The following TFR2 variants were observed in gnomAD, a reference collection of about 807,000 sequenced individuals.
TFR2 encodes transferrin receptor 2.
A neutral mutation model predicts 91.9 loss-of-function variants in TFR2; 64 were observed. The ratio of observed to expected loss-of-function variants is 0.70; its 90% CI spans 0.57 to 0.86. TFR2 has a LOEUF of 0.86. Ranked by LOEUF, TFR2 falls within the 40% of genes least tolerant of loss-of-function variation. The pLI is 0.00. For synonymous variants in TFR2, 454 were observed against 459.6 expected (o/e 0.99, Z 0.15); for missense variants, 950 against 1,080.5 (o/e 0.88, Z 1.69).
Position 100,631,800 on chromosome 7 carries a change from C to G in TFR2, c.1106+6G>C, listed in dbSNP as rs199499725. ...CTCCTCTTCTGGTCCCCAACACTCC[C>G]CTCACCTCAGCAGGCGGGAGGCAAT... On this transcript the variant is annotated splice_donor_region_variant and intron_variant, in intron 8 of 17. Transcript: ENST00000223051. The G allele has an allele frequency of 1.6e-5, 26 of 1,611,982 alleles. No individual in the cohort carries two copies. Among genetic ancestry groups the G allele is most frequent in the Non-Finnish European group, 2.2e-5 (26 of 1,178,792 alleles).
chr7:100,624,529 T>TAAACA (rs1803200751), intron 17 of TFR2, among the ~76,000 whole-genome samples: 1 of 89,268 alleles, frequency 1.1e-5, no homozygotes, highest in Non-Finnish European at 2.2e-5. Context: ...AAAGTAGCCA[T>TAAACA]AGAGAGCGTG....
intron 17 of TFR2, among the ~76,000 whole-genome samples, chr7:100,624,329 G>C (rs1803196123): frequency 6.6e-6 from 1 of 152,038 alleles, no homozygotes; most frequent in Non-Finnish European, 1.5e-5. Context: ...CCCGAATTCT[G>C]GTCTCTCCAC....
In TFR2 at chr7:100,621,062, A is replaced by G; in HGVS notation, c.2201T>C (p.Met734Thr). 1.3e-6 allele frequency: 2 copies of G among 1,566,230 alleles called. No individual in the cohort carries two copies. The highest frequency in any genetic ancestry group is 2.4e-5 in the East Asian group (1 of 41,928). Reference protein sequence around the residue: ...PADSPFRHIFMGRGDHTLGAL... With the variant: ...PADSPFRHIFTGRGDHTLGAL... ...GCCCAGCGTGTGGTCTCCACGGCCCATGAAGATGTGGCGGAACGGGGAGTC... is the reference window on the plus strand; with the variant it reads ...GCCCAGCGTGTGGTCTCCACGGCCCGTGAAGATGTGGCGGAACGGGGAGTC... The change falls in exon 18 of 18, where the codon ATG (methionine) becomes ACG (threonine). Residue 734 changes from methionine to threonine, a missense_variant. Physicochemically the swap from Met to Thr is moderately conservative, Grantham distance 81. Coordinates refer to ENST00000223051, the MANE Select transcript of TFR2 (RefSeq NM_003227.4).
In TFR2 at chr7:100,627,910, C is replaced by T. The variant is rs1323881081; in HGVS notation, c.1602G>A (p.Lys534=). The T allele has an allele frequency of 6.2e-7, 1 of 1,614,124 alleles. No homozygotes were observed. Among genetic ancestry groups the T allele is most frequent in the Admixed American group, 1.7e-5 (1 of 60,012 alleles). Residue 534 remains lysine, a synonymous_variant, in exon 13 of 18, where the codon AAG becomes AAA. Coordinates refer to ENST00000223051, the MANE Select transcript of TFR2 (RefSeq NM_003227.4). ...LLTSLIESVL[K]QVDSPNHSGQ... ...CCTATTCCTGGGGTGCTCTTGCCTG[C>T]TTCAGGACACTCTCAATGAGACTTG...
intron 17 of TFR2, 93 bp from the exon 18 acceptor site, chr7:100,621,219 T>TTTTG (rs553324630): frequency 1.9e-5 from 26 of 1,375,626 alleles, no homozygotes; most frequent in Middle Eastern, 2.6e-4. Flanking sequence ...CTTTTTGTTT[T>TTTTG]TTTGTTTGTT....
chr7:100,640,055 A>G (rs1448915330), intron 3 of TFR2: 1 of 151,516 alleles, frequency 6.6e-6, no homozygotes, highest in East Asian at 2.0e-4. Flanking sequence ...AAGTGCTGGG[A>G]TTACAGGCCT....
chr7:100,640,712 C>T lies in TFR2; in HGVS notation c.447G>A (p.Gly149=), dbSNP rs41302366. Residue 149 remains glycine, a synonymous_variant, in exon 3 of 18, where the codon GGG becomes GGA. Coordinates refer to ENST00000223051, the MANE Select transcript of TFR2 (RefSeq NM_003227.4). ...DLQAMFLQFL[G]EGRLEDTIRQ... ...TGATGGTGTCCTCCAGGCGCCCCTC[C>T]CCCAGGAACTGCAGGAACATGGCCT... 1.8e-4 allele frequency: 293 copies of T among 1,613,542 alleles called. 1 individual carries two copies. The East Asian group carries it at 5.2e-3, about 29-fold the overall frequency.
intron 3 of TFR2, 49 bp from the exon 4 acceptor site, chr7:100,633,605 G>C (rs768901172): frequency 1.5e-5 from 23 of 1,564,344 alleles, no homozygotes. Flanking sequence ...AGGAGAGGGA[G>C]GGAAGAGGGA....
Position 100,626,800 on chromosome 7 carries a change from T to A in TFR2, c.2099A>T (p.Glu700Val). ...CACGTTGTACATGCGTGTCAGTCGC[T>A]CGTCTCTCTCCTCCGAGCTGTAGAT... The part of the protein sequence containing the change: ...QEIYSSEERD[E>V]RLTRMYNVRI... The change falls in exon 17 of 18, where the codon GAG (glutamate) becomes GTG (valine). Residue 700 changes from glutamate to valine, a missense_variant. By Grantham distance (121) the Glu-to-Val change is moderately radical. Transcript: ENST00000223051. The A allele has an allele frequency of 1.2e-5, 18 of 1,548,588 alleles. No homozygotes were observed. Among genetic ancestry groups the A allele is most frequent in the Non-Finnish European group, 1.6e-5 (18 of 1,146,918 alleles).
intron 6 of TFR2, 91 bp downstream of exon 6, chr7:100,632,910 C>T (rs1803489595): frequency 3.7e-6 from 6 of 1,605,614 alleles, no homozygotes; most frequent in Non-Finnish European, 4.3e-6. Flanking sequence ...TCTTTCCTGT[C>T]TCCCTCTCAC....
intron 10 of TFR2, 112 bp from the exon 11 acceptor site, chr7:100,628,418 G>C (rs1323284012): frequency 1.1e-5 from 12 of 1,053,660 alleles, no homozygotes; most frequent in South Asian, 8.1e-5. Context: ...CTCTCTCTCT[G>C]AGACAGGATC....
chr7:100,637,945 C>T (rs1803607796), intron 3 of TFR2, among the ~76,000 whole-genome samples: 1 of 151,918 alleles, frequency 6.6e-6, no homozygotes, highest in Admixed American at 6.6e-5. Flanking sequence ...GATTCTCCTG[C>T]TTCAGCCTCC....
intron 3 of TFR2, among the ~76,000 whole-genome samples, chr7:100,638,962 C>G (rs879272796): frequency 9.2e-5 from 14 of 152,044 alleles, no homozygotes; most frequent in Non-Finnish European, 1.6e-4. Flanking sequence ...GGTCTTTCAG[C>G]AGGTGAATCC....
intron 8 of TFR2, 181 bp downstream of exon 8, chr7:100,631,623 CAA>C (rs368447138): frequency 5.3e-3 from 3,070 of 583,330 alleles, no homozygotes; most frequent in South Asian, 7.8e-3. Flanking sequence ...GACTCCATCT[CAA>C]AAAAAAAAAA....
chr7:100,625,861 G>T (rs937869951), intron 17 of TFR2, among the ~76,000 whole-genome samples: 1 of 152,160 alleles, frequency 6.6e-6, no homozygotes, highest in African/African-American at 2.4e-5. Flanking sequence ...CTCTAGTCTG[G>T]GCAAGGGAGA....
In TFR2 at chr7:100,632,894, C is replaced by T. The variant is rs773975563; in HGVS notation, c.849+107G>A. ...CTTATATTTTCTTACCATCCAGCCA[C>T]ATGGTTCTTTCCTGTCTCCCTCTCA... On this transcript the variant is annotated intron_variant, in intron 6 of 17. Transcript: ENST00000223051. 2.7e-5 allele frequency: 42 copies of T among 1,581,376 alleles called. No individual in the cohort carries two copies. The Admixed American group carries it at 4.2e-4, about 16-fold the overall frequency.
At chr7:100,638,949 C>G (rs915074229) in intron 3 of TFR2, among the ~76,000 whole-genome samples, 1 of 152,042 alleles carries the variant, frequency 6.6e-6, no homozygotes, top group Non-Finnish European at 1.5e-5. Context: ...TCCACAGACT[C>G]AAGGTCTTTC....
Position 100,627,472 on chromosome 7 carries a change from A to G in TFR2, c.1787T>C (p.Phe596Ser), listed in dbSNP as rs1381505467. 6.2e-7 allele frequency: 1 copy of G among 1,608,464 alleles called. No homozygotes were observed. The highest frequency in any genetic ancestry group is 8.5e-7 in the Non-Finnish European group (1 of 1,177,524). ...ATAAGTGTCCTCCTTTGTGTGCAGG[A>G]ATGGGTAGGCCTGGTCGTCCTGCCA... ...SFMEDDQAYP[F>S]LHTKEDTYEN... Residue 596 changes from phenylalanine (F) to serine (S), a missense_variant, in exon 16 of 18, where the codon TTC (phenylalanine) becomes TCC (serine). Transcript: ENST00000223051.
Position 100,641,232 on chromosome 7 carries a change from T to C in TFR2, c.34-4A>G, listed in dbSNP as rs1394662112. 6.5e-7 allele frequency: 1 copy of C among 1,536,146 alleles called. No individual in the cohort carries two copies. The highest frequency in any genetic ancestry group is 8.8e-7 in the Non-Finnish European group (1 of 1,139,626). On this transcript the variant is annotated splice_region_variant and splice_polypyrimidine_tract_variant and intron_variant, in intron 1 of 17. Coordinates refer to ENST00000223051, the MANE Select transcript of TFR2 (RefSeq NM_003227.4). Reference sequence around the variant, plus strand: ...AGGATCTTGGGGACAGTTGTTGCTGTGCAGGCGAGGTGGGCATGAGATTGG... The same window carrying C: ...AGGATCTTGGGGACAGTTGTTGCTGCGCAGGCGAGGTGGGCATGAGATTGG...
Sources: gnomAD v4.1 joint callset for allele counts (sites outside exome capture counted in the v4.1 genomes callset) on GRCh38, gnomAD v4.1.1 for gene constraint, MANE v1.5 for transcripts, NCBI Gene and HGNC (gene_info 2026-07-23, HGNC 2026-07-21) for gene names.